The following NCOA3 variants were observed in gnomAD, a reference collection of about 807,000 sequenced individuals.
NCOA3 encodes the protein nuclear receptor coactivator 3.
Under a neutral mutation model 158.8 loss-of-function variants are expected in NCOA3, and 51 were observed. The observed-to-expected ratio is 0.32, with a 90% CI of 0.26 to 0.41. NCOA3 has a LOEUF of 0.41. NCOA3 is among the 10% of genes least tolerant of loss of function. NCOA3 has a pLI of 1.00. For missense variants in NCOA3, 1,510 were observed against 1,746.6 expected (o/e 0.86, Z 2.41); for synonymous variants, 537 against 592.4 (o/e 0.91, Z 1.36).
At position 47,634,079 on chromosome 20, in the gene NCOA3, A is replaced by G. The variant is rs1464661312; in HGVS notation, c.996A>G (p.Val332=). 6.2e-7 allele frequency: 1 copy of G among 1,614,014 alleles called. No individual in the cohort carries two copies. Among genetic ancestry groups the G allele is most frequent in the Non-Finnish European group, 8.5e-7 (1 of 1,180,014 alleles). ...AYLNGHAETP[V]YRFSLADGTI... is the part of the protein sequence containing the mutation. ...TTAATGGCCATGCAGAAACCCCAGTATATCGATTCTCGTTGGCTGATGGAA... is the reference window on the plus strand; with the variant it reads ...TTAATGGCCATGCAGAAACCCCAGTGTATCGATTCTCGTTGGCTGATGGAA... The change falls in exon 10 of 23, where the codon GTA becomes GTG. Residue 332 remains valine, a synonymous_variant. Transcript: ENST00000371998.
intron 1 of NCOA3, among the ~76,000 whole-genome samples, chr20:47,568,602 G>A (rs977019372): frequency 6.6e-6 from 1 of 152,042 alleles, no homozygotes; most frequent in African/African-American, 2.4e-5. Flanking sequence ...ACCAGCGTGG[G>A]CAACATGGCA....
intron 1 of NCOA3, among the ~76,000 whole-genome samples, chr20:47,537,084 C>G (rs2084645987): frequency 6.6e-6 from 1 of 152,060 alleles, no homozygotes; most frequent in Non-Finnish European, 1.5e-5. Flanking sequence ...GCTGGGATTA[C>G]AGGCGTGAGC....
In NCOA3 at chr20:47,547,829, C is replaced by G. The variant is rs561194742; in HGVS notation, c.-98-35354C>G. Among the ~76,000 whole-genome samples the G allele has an allele frequency of 6.7e-4, 102 of 152,192 alleles. 2 individuals are homozygous for G. The highest frequency in any genetic ancestry group is 2.3e-3 in the African/African-American group (96 of 41,508). On this transcript the variant is annotated intron_variant, in intron 1 of 22. Coordinates refer to ENST00000371998, the MANE Select transcript of NCOA3 (RefSeq NM_181659.3). ...CTCCTGGGTTCAAGCGATTGTCGTG[C>G]CTTAGCCTCCCGAGTAGCTAGGATT...
In NCOA3 at chr20:47,627,954, C is replaced by T. The variant is rs777100285; in HGVS notation, c.754C>T (p.Arg252Cys). The stretch of plus-strand genomic sequence containing the variant: ...ATCTTGTATGATCTGTGTGGCACGC[C>T]GCATTACTACAGGAGAAAGAACATT... The part of the protein sequence containing the change: ...LQSCMICVAR[R>C]ITTGERTFPS... The change falls in exon 8 of 23, where the codon CGC becomes TGC. Residue 252 changes from arginine (R) to cysteine (C), a missense_variant. This residue lies in a region of NCOA3 where 309 missense variants were observed against 427.1 expected (regional missense o/e 0.72). Coordinates refer to ENST00000371998, the MANE Select transcript of NCOA3 (RefSeq NM_181659.3). 1.8e-5 allele frequency: 29 copies of T among 1,613,662 alleles called. No individual in the cohort carries two copies. Among genetic ancestry groups the T allele is most frequent in the Non-Finnish European group, 2.3e-5 (27 of 1,179,886 alleles).
At position 47,627,618 on chromosome 20, in the gene NCOA3, G is replaced by A; in HGVS notation, c.590G>A (p.Cys197Tyr). The change falls in exon 7 of 23, where the codon TGC (cysteine) becomes TAC (tyrosine). Residue 197 changes from cysteine (C) to tyrosine (Y), a missense_variant. Cys to Tyr is a radical substitution (Grantham distance 194). This residue lies in a region of NCOA3 where 309 missense variants were observed against 427.1 expected (regional missense o/e 0.72). Coordinates refer to ENST00000371998, the MANE Select transcript of NCOA3 (RefSeq NM_181659.3). ...TQRQKSHTFNCRMLMKTPHDI... is the reference protein window; with the variant it reads ...TQRQKSHTFNYRMLMKTPHDI... ...AGACAAAAAAGCCATACATTTAATT[G>A]CCGTATGTTGATGAAAACACCACAT... The A allele has an allele frequency of 1.2e-6, 2 of 1,614,088 alleles. No homozygotes were observed. Among genetic ancestry groups the A allele is most frequent in the Non-Finnish European group, 8.5e-7 (1 of 1,179,980 alleles).
intron 19 of NCOA3, 51 bp downstream of exon 19, chr20:47,649,160 CTTGG>C: frequency 4.1e-6 from 5 of 1,219,274 alleles, no homozygotes; most frequent in Non-Finnish European, 5.8e-6. Flanking sequence ...CAGGACAGGG[CTTGG>C]CCTGTGGTTG....
intron 1 of NCOA3, among the ~76,000 whole-genome samples, chr20:47,556,100 A>T (rs185142613): frequency 2.0e-5 from 3 of 149,638 alleles, no homozygotes; most frequent in Non-Finnish European, 3.0e-5. Context: ...ATGCCTGGCT[A>T]ATTTTCGTAT....
rs781170022 is a variant in NCOA3 at position 47,653,466 on chromosome 20, G to A, written c.*49G>A. 6 of 1,584,498 alleles carry A rather than the reference G, an allele frequency of 3.8e-6. No homozygotes were observed. Among genetic ancestry groups the A allele is most frequent in the East Asian group, 2.2e-5 (1 of 44,568 alleles). ...AGGAAACCACTGTACAAATGACACT[G>A]CACTAGGATTATTGGGAAGGAATCA... is the stretch of plus-strand genomic sequence containing the variant. On this transcript the variant is annotated 3_prime_UTR_variant, in exon 23 of 23. Transcript: ENST00000371998.
chr20:47,594,477 A>G (rs923441045), intron 2 of NCOA3, among the ~76,000 whole-genome samples: 2 of 151,676 alleles, frequency 1.3e-5, no homozygotes, highest in African/African-American at 4.8e-5. Context: ...AGCCTGGCCA[A>G]CATGATGAGA....
chr20:47,522,908 G>GAAA (rs1375107063), intron 1 of NCOA3, among the ~76,000 whole-genome samples: 2 of 141,004 alleles, frequency 1.4e-5, no homozygotes, highest in Non-Finnish European at 3.1e-5. Flanking sequence ...AAAAAAAAAC[G>GAAA]AGCCCGGCGC....
chr20:47,557,827 C>A (rs1569438), intron 1 of NCOA3, among the ~76,000 whole-genome samples: 140,831 of 152,254 alleles, frequency 0.92, 65,268 homozygotes, highest in African/African-American at 0.98. Flanking sequence ...TTACAACTAA[C>A]AATATACTGC....
intron 1 of NCOA3, among the ~76,000 whole-genome samples, chr20:47,576,605 T>C (rs1350931678): frequency 6.6e-6 from 1 of 151,812 alleles, no homozygotes; most frequent in African/African-American, 2.4e-5. Context: ...CCTTCTCCAC[T>C]CCCCTGTCCT....
chr20:47,582,885 C>G (rs1186045980), intron 1 of NCOA3, among the ~76,000 whole-genome samples: 1 of 152,214 alleles, frequency 6.6e-6, no homozygotes, highest in African/African-American at 2.4e-5. Context: ...ACCTCTGCCT[C>G]CCAGGTTCAA....
chr20:47,547,856 C>T (rs1014740459), intron 1 of NCOA3, among the ~76,000 whole-genome samples: 5 of 152,076 alleles, frequency 3.3e-5, no homozygotes, highest in African/African-American at 9.7e-5. Flanking sequence ...GCTAGGATTA[C>T]AGGCGCCTGC....
chr20:47,574,929 T>C (rs962427154), intron 1 of NCOA3, among the ~76,000 whole-genome samples: 3 of 152,236 alleles, frequency 2.0e-5, no homozygotes, highest in African/African-American at 7.2e-5. Flanking sequence ...ATCAGCATTA[T>C]ATATGTAATT....
chr20:47,613,490 T>A, intron 2 of NCOA3, among the ~76,000 whole-genome samples: 2 of 124,954 alleles, frequency 1.6e-5, no homozygotes, highest in African/African-American at 3.1e-5. Flanking sequence ...GAAATGGAAT[T>A]AAATTGAAAA....
intron 1 of NCOA3, among the ~76,000 whole-genome samples, chr20:47,564,700 A>G (rs1358790232): frequency 6.6e-6 from 1 of 152,160 alleles, no homozygotes; most frequent in Admixed American, 6.5e-5. Flanking sequence ...GGATATATGC[A>G]TTTAAAGTTT....
chr20:47,624,715 G>T (rs2086294310), intron 4 of NCOA3, among the ~76,000 whole-genome samples: 1 of 152,104 alleles, frequency 6.6e-6, no homozygotes, highest in South Asian at 2.1e-4. Context: ...TACAACTGAT[G>T]GAGGCTAGCA....
chr20:47,510,571 A>G (rs1445816047), intron 1 of NCOA3, among the ~76,000 whole-genome samples: 41 of 151,972 alleles, frequency 2.7e-4, no homozygotes, highest in Admixed American at 2.6e-3. Context: ...AAATCACAAT[A>G]TAGTCATCCA....
Sources: allele counts gnomAD v4.1 joint callset (sites outside exome capture counted in the v4.1 genomes callset), GRCh38; gene constraint gnomAD v4.1.1; regional missense constraint gnomAD v4.1.1; transcripts MANE v1.5; gene names NCBI Gene and HGNC (gene_info 2026-07-23, HGNC 2026-07-21).